LZTS2: variants seen among roughly 807,000 people sequenced by gnomAD.
LZTS2 encodes the protein leucine zipper putative tumor suppressor 2.
A neutral mutation model predicts 60.6 loss-of-function variants in LZTS2; 32 were observed. The ratio of observed to expected loss-of-function variants is 0.53; its 90% CI spans 0.40 to 0.71. The LOEUF is 0.71. LZTS2 is among the 30% of genes least tolerant of loss of function. The probability of loss-of-function intolerance (pLI) is 0.00; values close to 1 mark genes in which losing one functional copy is unlikely to be tolerated. For missense variants in LZTS2, 792 were observed against 901.9 expected (o/e 0.88, Z 1.56); for synonymous variants, 360 against 393.1 (o/e 0.92, Z 1.00).
At chr10:100,999,340 C>G (rs1590030450), upstream of LZTS2, 1 of 152,272 alleles carries the variant, frequency 6.6e-6, no homozygotes, top group South Asian at 2.1e-4. Flanking sequence ...GATCGAGCCT[C>G]GGCCTCCTAC....
chr10:101,000,982 A>G (rs1312202198), exon 1 of LZTS2: 1 of 152,260 alleles, frequency 6.6e-6, no homozygotes. Flanking sequence ...AAGAAGGGGA[A>G]CAGATCAGGC....
intron 1 of LZTS2, 192 bp from the exon 3 acceptor site, chr10:101,003,315 T>C (rs1852086961): frequency 7.0e-6 from 4 of 570,568 alleles, no homozygotes; most frequent in African/African-American, 1.9e-5. Flanking sequence ...ATAGTGATCA[T>C]ATTTAGATAA....
chr10:101,007,655 G>A (rs1431937306), exon 4 of LZTS2: 1 of 1,126,978 alleles, frequency 8.9e-7, no homozygotes, highest in East Asian at 8.7e-5. Flanking sequence ...CTGGAGTGAG[G>A]GGGCTGAAGT....
At chr10:101,002,874 G>A (rs1852074893) in exon 1 of LZTS2, 1 of 1,613,700 alleles carries the variant, frequency 6.2e-7, no homozygotes, top group African/African-American at 1.3e-5. Context: ...ATGCCCGAGA[G>A]CAGCGGGCAC....
exon 4 of LZTS2, chr10:101,006,990 T>C: frequency 6.4e-7 from 1 of 1,557,740 alleles, no homozygotes; most frequent in Non-Finnish European, 8.7e-7. Context: ...GAGCAGGTGA[T>C]CCGCTACCAG....
At chr10:101,006,453 C>T in intron 3 of LZTS2, 32 bp from the exon 5 acceptor site, 2 of 1,585,426 alleles carry the variant, frequency 1.3e-6, no homozygotes, top group Non-Finnish European at 1.7e-6. Context: ...GAACCTGTCT[C>T]ACCATCCTTC....
chr10:101,007,364 C>G, exon 4 of LZTS2: 3 of 1,417,756 alleles, frequency 2.1e-6, no homozygotes, highest in Non-Finnish European at 2.8e-6. Flanking sequence ...TCAGACCGCT[C>G]AAAGGTCCCC....
At chr10:101,004,214 A>C in intron 2 of LZTS2, 48 bp downstream of exon 3, 1 of 1,532,560 alleles carries the variant, frequency 6.5e-7, no homozygotes, top group Non-Finnish European at 8.8e-7. Flanking sequence ...GGACATCCCA[A>C]GGCCCTGGGA....
At chr10:100,998,188 C>T (rs910724004), upstream of LZTS2, among the ~76,000 whole-genome samples, 2 of 152,220 alleles carry the variant, frequency 1.3e-5, no homozygotes, top group Non-Finnish European at 2.9e-5. Flanking sequence ...GAGCCCCTCC[C>T]CCCAGGGAAT....
chr10:101,002,685 C>T (rs1268734009), exon 1 of LZTS2: 2 of 1,609,584 alleles, frequency 1.2e-6, no homozygotes, highest in Middle Eastern at 1.6e-4. Flanking sequence ...GCCACCACGG[C>T]CCTCCTGGGC....
At chr10:101,002,530 T>C in exon 1 of LZTS2, 2 of 1,510,128 alleles carry the variant, frequency 1.3e-6, no homozygotes, top group Non-Finnish European at 1.8e-6. Flanking sequence ...GGCCTGAGCC[T>C]CTGCCACCAT....
chr10:101,006,539 C>G lies in LZTS2; in HGVS notation c.1381C>G (p.Gln461Glu), dbSNP rs536495962. ...GCTGAAGCAGCAGCTGAAAGAGTCT[C>G]AGGCAGAGCTGGTGCAGAAGGGCAG... Residue 461 changes from glutamine to glutamate, a missense_variant, in exon 4 of 4, where the codon CAG becomes GAG. Transcript: ENST00000370220. The G allele has an allele frequency of 1.9e-5, 30 of 1,611,712 alleles. No individual in the cohort carries two copies. The African/African-American group carries it at 3.9e-4, about 21-fold the overall frequency.
In LZTS2 at chr10:101,006,635, C is replaced by T. The variant is rs191391710; in HGVS notation, c.1477C>T (p.Arg493Trp). ...GCTGCGGGTCAGTGAGGGCCGTGCG[C>T]GGGGTCTACAGGAGGCCGCCCGAGC... is the stretch of plus-strand genomic sequence containing the variant. The change falls in exon 4 of 4, where the codon CGG becomes TGG. Residue 493 changes from arginine (R) to tryptophan (W), a missense_variant. Arg to Trp is a moderately radical substitution (Grantham distance 101). Transcript: ENST00000370220. 3.2e-5 allele frequency: 51 copies of T among 1,593,228 alleles called. No individual in the cohort carries two copies. In the East Asian group the frequency reaches 8.6e-4, roughly 27 times the overall value.
exon 1 of LZTS2, chr10:101,000,191 TC>T (rs2133962627): frequency 6.6e-6 from 1 of 152,364 alleles, no homozygotes; most frequent in South Asian, 2.1e-4. Flanking sequence ...CCCCAACTCT[TC>T]AGATCCGTCT....
At chr10:101,001,994 G>A (rs1852049574) in exon 1 of LZTS2, 1 of 152,392 alleles carries the variant, frequency 6.6e-6, no homozygotes, top group Non-Finnish European at 1.5e-5. Flanking sequence ...GAGAGAAACT[G>A]AGGCCCAGCA....
chr10:101,003,674 TTCCTCC>T (rs1564816884), exon 2 of LZTS2: 1 of 1,611,630 alleles, frequency 6.2e-7, no homozygotes, highest in Admixed American at 1.7e-5. Flanking sequence ...CCTCCTCCTC[TTCCTCC>T]TCCTCTTCAG....
chr10:101,003,120 C>G, intron 1 of LZTS2, 174 bp downstream of exon 2: 1 of 810,126 alleles, frequency 1.2e-6, no homozygotes. Context: ...GTCACTTAAC[C>G]TGAGCCTCAG....
chr10:101,004,128 C>T (rs766847538), exon 2 of LZTS2: 2 of 1,611,920 alleles, frequency 1.2e-6, no homozygotes, highest in Middle Eastern at 1.7e-4. Flanking sequence ...TCAGCAGCTG[C>T]GGGACAGTCT....
chr10:101,002,773 C>T, exon 1 of LZTS2: 1 of 1,613,364 alleles, frequency 6.2e-7, no homozygotes, highest in African/African-American at 1.3e-5. Flanking sequence ...AGCTGTGCCC[C>T]CTAGGAAGGC....
Sources: allele counts gnomAD v4.1 joint callset (sites outside exome capture counted in the v4.1 genomes callset), GRCh38; gene constraint gnomAD v4.1.1; transcripts MANE v1.5; gene names NCBI Gene and HGNC (gene_info 2026-07-23, HGNC 2026-07-21).